Variants in POLR2F observed in about 807,000 individuals in gnomAD.
POLR2F encodes DNA-directed RNA polymerases I, II, and III subunit RPABC2.
Under a neutral mutation model 22.7 loss-of-function variants are expected in POLR2F, and 12 were observed. The observed-to-expected ratio is 0.53, with a 90% CI of 0.34 to 0.86. POLR2F has a LOEUF of 0.86. Among genes scored for constraint, POLR2F ranks in the 40% least tolerant of loss-of-function variants. POLR2F has a pLI of 0.02. For missense variants in POLR2F, 126 were observed against 171.5 expected (o/e 0.73, Z 1.48); for synonymous variants, 57 against 66.0 (o/e 0.86, Z 0.66).
upstream of POLR2F, chr22:37,983,794 G>GGCC (rs762578400): frequency 1.6e-4 from 230 of 1,419,888 alleles, no homozygotes; most frequent in Middle Eastern, 2.4e-4. This position sits in a 1 kb window ranked among gnomAD's most constrained non-coding sequence, Gnocchi z 9.5. Context: ...TGTCGCCCCC[G>GGCC]GCCGCCGCCG....
At chr22:37,987,256 T>C in intron 1 of POLR2F, 1 of 456,714 alleles carries the variant, frequency 2.2e-6, no homozygotes, top group Non-Finnish European at 4.4e-6. Context: ...GCAACAGGGT[T>C]TTCCTGGGAC....
chr22:37,974,235 G>A (rs775093910), downstream of POLR2F: 4 of 1,532,846 alleles, frequency 2.6e-6, no homozygotes, highest in South Asian at 4.6e-5. This position sits in a 1 kb window ranked among gnomAD's most constrained non-coding sequence, Gnocchi z 5.4. Context: ...GAGCGCAAGG[G>A]GGAAGCAGGT....
chr22:38,013,509 A>G (rs2084890163), intron 1 of POLR2F, among the ~76,000 whole-genome samples: 1 of 152,238 alleles, frequency 6.6e-6, no homozygotes, highest in Admixed American at 6.5e-5. Context: ...ATATTTACCT[A>G]TCTGTTCAAA....
chr22:38,006,068 A>G (rs2145804468), intron 1 of POLR2F, among the ~76,000 whole-genome samples: 1 of 152,278 alleles, frequency 6.6e-6, no homozygotes, highest in East Asian at 1.9e-4. Flanking sequence ...ATTGAAAAAA[A>G]ATATTAGCCA....
intron 1 of POLR2F, among the ~76,000 whole-genome samples, chr22:37,955,207 T>TG (rs1931328582): frequency 6.6e-6 from 1 of 150,558 alleles, no homozygotes; most frequent in African/African-American, 2.4e-5. Flanking sequence ...ATAAGGGTTT[T>TG]TTTTTTTTTT....
At chr22:37,953,957 C>A in intron 1 of POLR2F, 150 bp downstream of exon 1, 1 of 935,256 alleles carries the variant, frequency 1.1e-6, no homozygotes, top group Non-Finnish European at 1.6e-6. Flanking sequence ...AAGGGAAGGG[C>A]GGGCGACCCA....
intron 1 of POLR2F, among the ~76,000 whole-genome samples, chr22:37,998,929 C>T (rs913846532): frequency 6.6e-5 from 10 of 151,982 alleles, no homozygotes; most frequent in African/African-American, 4.8e-5. Flanking sequence ...GGTACAGGAG[C>T]CCGCCCTGGT....
At chr22:38,010,882 G>A (rs1328756428) in intron 1 of POLR2F, among the ~76,000 whole-genome samples, 1 of 152,122 alleles carries the variant, frequency 6.6e-6, no homozygotes, top group African/African-American at 2.4e-5. Flanking sequence ...CTCCCAAAGT[G>A]CTGGGATAAC....
downstream of POLR2F, among the ~76,000 whole-genome samples, chr22:38,029,668 C>T (rs1444512740): frequency 6.6e-6 from 1 of 152,200 alleles, no homozygotes; most frequent in Non-Finnish European, 1.5e-5. Context: ...TTTTTGCTAC[C>T]TGTGAAGCAG....
At chr22:38,006,714 G>A (rs947962963) in intron 1 of POLR2F, among the ~76,000 whole-genome samples, 4 of 152,168 alleles carry the variant, frequency 2.6e-5, no homozygotes, top group South Asian at 4.1e-4. Flanking sequence ...AGGCAGCAAC[G>A]GGGGAAGGAC....
intron 5 of POLR2F, among the ~76,000 whole-genome samples, chr22:38,039,760 G>T (rs1299179213): frequency 6.6e-6 from 1 of 152,260 alleles, no homozygotes; most frequent in East Asian, 1.9e-4. Context: ...CCCGGAACTG[G>T]ACGGGGTGGC....
downstream of POLR2F, among the ~76,000 whole-genome samples, chr22:38,028,707 G>A (rs913465283): frequency 2.6e-5 from 4 of 152,144 alleles, no homozygotes; most frequent in Non-Finnish European, 5.9e-5. Flanking sequence ...CTGTGGGATG[G>A]GGAGGAAGGG....
upstream of POLR2F, among the ~76,000 whole-genome samples, chr22:37,984,788 C>T (rs1024033357): frequency 2.6e-5 from 4 of 151,952 alleles, no homozygotes; most frequent in Admixed American, 6.6e-5. This position sits in a 1 kb window ranked among gnomAD's most constrained non-coding sequence, Gnocchi z 4.4. Context: ...GAGGTTAGGC[C>T]GAGGAAGGAA....
chr22:37,972,052 A>G, downstream of POLR2F, among the ~76,000 whole-genome samples: 2 of 123,132 alleles, frequency 1.6e-5, no homozygotes, highest in African/African-American at 6.1e-5. Flanking sequence ...GAGAGAGGAG[A>G]GTGGGAGGGG....
upstream of POLR2F, chr22:37,986,000 C>A: frequency 7.8e-7 from 1 of 1,276,912 alleles, no homozygotes; most frequent in Non-Finnish European, 1.0e-6. Flanking sequence ...ACGCCACCCC[C>A]GGCGCTGCCA....
rs938338789 is a variant in POLR2F, at chr22:38,010,402, GAGAGAGAGAGAGAC to G, written c.121-15453_121-15440del. 1.3e-4 allele frequency among the ~76,000 whole-genome samples: 19 copies of G among 150,738 alleles called. No homozygotes were observed. The East Asian group carries it at 2.3e-3, about 18-fold the overall frequency. On this transcript the variant is annotated intron_variant, in intron 1 of 2. Coordinates refer to the POLR2F transcript ENST00000333418. ...AAAAAATAAAGGAAAAGAAAGAGAG[GAGAGAGAGAGAGAC>G]AGAGAGAGAGAGAGAAAGGATCAAA... is the stretch of plus-strand genomic sequence containing the variant.
chr22:37,955,008 T>C (rs770232298), intron 1 of POLR2F, among the ~76,000 whole-genome samples: 4 of 152,048 alleles, frequency 2.6e-5, no homozygotes, highest in Non-Finnish European at 4.4e-5. Context: ...CCATTGGATT[T>C]AGCAACGTGG....
In POLR2F at chr22:38,025,439, CACTG is replaced by C; in HGVS notation, c.121-428_121-425del. The C allele has an allele frequency of 2.4e-6, 3 of 1,237,856 alleles. No individual in the cohort carries two copies. In the South Asian group the frequency reaches 6.3e-5, roughly 26 times the overall value. The allele number at this position is 1,237,856 out of a possible 1,614,324, so 76.7% of individuals were successfully genotyped here. On this transcript the variant is annotated intron_variant, in intron 1 of 2. Transcript: ENST00000333418. ...CAACTCACAGATACACATGTGCACA[CACTG>C]ATTCATATACACACACGTACTCAAA...
At position 38,026,681 on chromosome 22, in the gene POLR2F, C is replaced by T. The variant is rs566035249; in HGVS notation, c.*371C>T. On this transcript the variant is annotated 3_prime_UTR_variant, in exon 3 of 3. Transcript: ENST00000333418. The stretch of plus-strand genomic sequence containing the variant: ...TACATTTTTGGGCTAATTTGCCATG[C>T]ATAAGTGTTTCTCTTACCCTTTAAA... The T allele has an allele frequency of 6.6e-4, 167 of 252,580 alleles. 5 individuals carry two copies. In the South Asian group the frequency reaches 7.5e-3, roughly 11 times the overall value. 15.6% of individuals were successfully genotyped at this position (252,580 alleles called of 1,614,324 possible).
Sources: allele counts gnomAD v4.1 joint callset (sites outside exome capture counted in the v4.1 genomes callset), GRCh38; gene constraint gnomAD v4.1.1; non-coding constraint Gnocchi (gnomAD v3.1); transcripts MANE v1.5; gene names NCBI Gene and HGNC (gene_info 2026-07-23, HGNC 2026-07-21).